GTF2A1: variants seen among roughly 807,000 people sequenced by gnomAD.
GTF2A1 encodes the protein general transcription factor IIA subunit 1.
Under a neutral mutation model 54.1 loss-of-function variants are expected in GTF2A1, and 12 were observed. That is an observed-to-expected ratio of 0.22 (90% CI 0.14 to 0.36). The LOEUF (loss-of-function observed/expected upper bound fraction) is 0.36, where lower values mean the gene tolerates loss of function less well. Ranked by LOEUF, GTF2A1 falls within the 10% of genes least tolerant of loss-of-function variation. The probability of loss-of-function intolerance (pLI) is 1.00; values close to 1 mark genes in which losing one functional copy is unlikely to be tolerated. For synonymous variants in GTF2A1, 145 were observed against 152.0 expected (o/e 0.95, Z 0.34); for missense variants, 335 against 442.2 (o/e 0.76, Z 2.17).
intron 7 of GTF2A1, 97 bp downstream of exon 7, chr14:81,192,422 G>A: frequency 1.1e-6 from 1 of 895,040 alleles, no homozygotes; most frequent in Non-Finnish European, 1.7e-6. Context: ...GCACCTAACA[G>A]TCTCTGAAAA....
intron 7 of GTF2A1, among the ~76,000 whole-genome samples, chr14:81,186,570 G>A (rs1172505864): frequency 6.6e-6 from 1 of 152,104 alleles, no homozygotes; most frequent in Non-Finnish European, 1.5e-5. Flanking sequence ...CGCTTCAATT[G>A]TGACAGAAGA....
intron 2 of GTF2A1, among the ~76,000 whole-genome samples, chr14:81,215,134 T>C (rs1176661980): frequency 6.6e-6 from 1 of 152,240 alleles, no homozygotes; most frequent in Non-Finnish European, 1.5e-5. Flanking sequence ...CAGTGAATTA[T>C]ATGGATCTTT....
intron 1 of GTF2A1, among the ~76,000 whole-genome samples, chr14:81,219,178 G>C (rs1312821268): frequency 1.3e-5 from 2 of 152,118 alleles, no homozygotes; most frequent in Non-Finnish European, 2.9e-5. Flanking sequence ...ATTCCCCCTA[G>C]CAAACAAAGA....
intron 4 of GTF2A1, among the ~76,000 whole-genome samples, chr14:81,198,099 T>C (rs1420416513): frequency 6.6e-6 from 1 of 152,190 alleles, no homozygotes; most frequent in Non-Finnish European, 1.5e-5. Flanking sequence ...GGCATTATAT[T>C]CTAGGTGAAA....
intron 1 of GTF2A1, among the ~76,000 whole-genome samples, chr14:81,217,192 G>A (rs942750129): frequency 6.6e-6 from 1 of 152,302 alleles, no homozygotes; most frequent in East Asian, 1.9e-4. Flanking sequence ...AATTAGCACC[G>A]TTGATACTAC....
chr14:81,192,427 T>G, intron 7 of GTF2A1, 92 bp downstream of exon 7: 1 of 970,788 alleles, frequency 1.0e-6, no homozygotes, highest in Non-Finnish European at 1.6e-6. Context: ...TAACAGTCTC[T>G]GAAAAAAACA....
intron 4 of GTF2A1, among the ~76,000 whole-genome samples, chr14:81,198,393 G>A (rs1213571571): frequency 6.6e-6 from 1 of 152,246 alleles, no homozygotes; most frequent in East Asian, 1.9e-4. Context: ...GCAGTGAGCC[G>A]AGATTGTGCC....
Position 81,207,235 on chromosome 14 carries a change from T to A in GTF2A1, c.133-3131A>T, listed in dbSNP as rs147951833. ...TTCCCAACAAAATCTCAACTTGAGT[T>A]GTATCTCCCAGAATTCCCATGTGCT... On this transcript the variant is annotated intron_variant, in intron 2 of 8. Transcript: ENST00000553612. 1.7e-3 allele frequency among the ~76,000 whole-genome samples: 254 copies of A among 152,218 alleles called. 2 individuals carry two copies. Among genetic ancestry groups the A allele is most frequent in the African/African-American group, 5.9e-3 (246 of 41,526 alleles).
rs369710748 is a variant in GTF2A1 at position 81,180,379 on chromosome 14, G to A, written c.1024-49C>T. 8.1e-5 allele frequency: 66 copies of A among 816,510 alleles called. No individual in the cohort carries two copies. In the Middle Eastern group the frequency reaches 9.0e-4, roughly 11 times the overall value. 50.6% of individuals were successfully genotyped at this position (816,510 alleles called of 1,614,324 possible). A position where few individuals can be genotyped will look rare whatever the true frequency, so the allele number is the denominator to read the frequency against. On this transcript the variant is annotated intron_variant, in intron 8 of 8. Transcript: ENST00000553612. ...AATTGAGAGATACAATCAGAAAACA[G>A]AGAAAACAAGTAACAAAAAACCCAT...
intron 6 of GTF2A1, among the ~76,000 whole-genome samples, chr14:81,194,140 A>G (rs1471072157): frequency 1.3e-5 from 2 of 152,224 alleles, no homozygotes; most frequent in African/African-American, 4.8e-5. Context: ...TGGATGAGCC[A>G]GCATCACCAC....
At chr14:81,183,421 A>G (rs946260205) in intron 8 of GTF2A1, among the ~76,000 whole-genome samples, 2 of 152,250 alleles carry the variant, frequency 1.3e-5, no homozygotes, top group Admixed American at 1.3e-4. Context: ...AACTGCCTGC[A>G]TTCTGTCATA....
At chr14:81,190,147 T>C (rs1336386260) in intron 7 of GTF2A1, among the ~76,000 whole-genome samples, 3 of 151,802 alleles carry the variant, frequency 2.0e-5, no homozygotes, top group Non-Finnish European at 4.4e-5. Flanking sequence ...TAGAAAAATA[T>C]AACTTATCAA....
chr14:81,206,373 T>C (rs878876541), intron 2 of GTF2A1, among the ~76,000 whole-genome samples: 3 of 152,344 alleles, frequency 2.0e-5, no homozygotes, highest in Admixed American at 1.3e-4. Context: ...AGTAATGTAG[T>C]GACTCAACTC....
intron 4 of GTF2A1, among the ~76,000 whole-genome samples, chr14:81,199,464 CGTTTT>C (rs1374876212): frequency 6.6e-6 from 1 of 152,138 alleles, no homozygotes; most frequent in Non-Finnish European, 1.5e-5. Flanking sequence ...TATTATCTCA[CGTTTT>C]TATGATTAGT....
rs370228716 is a variant in GTF2A1 at position 81,190,993 on chromosome 14, A to G, written c.933+1526T>C. Among the ~76,000 whole-genome samples, 15 of 152,328 alleles carry G rather than the reference A, an allele frequency of 9.8e-5. No individual in the cohort carries two copies. In the South Asian group the frequency reaches 2.9e-3, roughly 29 times the overall value. On this transcript the variant is annotated intron_variant, in intron 7 of 8. Coordinates refer to ENST00000553612, the MANE Select transcript of GTF2A1 (RefSeq NM_015859.4). ...AAGGTAATAAAAACATGTTACTTCA[A>G]GAAGCACTGAAACTATGAAGAATTT...
At chr14:81,207,656 T>C (rs550509588) in intron 2 of GTF2A1, among the ~76,000 whole-genome samples, 8 of 152,312 alleles carry the variant, frequency 5.3e-5, no homozygotes, top group Non-Finnish European at 7.3e-5. Flanking sequence ...TGGGAAAGTT[T>C]GGAACTTCCT....
At chr14:81,206,540 T>C (rs1255168378) in intron 2 of GTF2A1, among the ~76,000 whole-genome samples, 1 of 152,296 alleles carries the variant, frequency 6.6e-6, no homozygotes, top group East Asian at 1.9e-4. Context: ...TTCCAATCTA[T>C]CCTCTATAAA....
chr14:81,187,424 T>C (rs781467954), intron 7 of GTF2A1, among the ~76,000 whole-genome samples: 4 of 152,070 alleles, frequency 2.6e-5, no homozygotes, highest in African/African-American at 4.8e-5. Context: ...CATTTGTACA[T>C]GTACAATTCA....
chr14:81,191,658 A>T (rs568097017), intron 7 of GTF2A1, among the ~76,000 whole-genome samples: 1 of 152,286 alleles, frequency 6.6e-6, no homozygotes, highest in South Asian at 2.1e-4. Flanking sequence ...TAATCAACAC[A>T]AATGTATGAG....
Sources: allele counts gnomAD v4.1 joint callset (sites outside exome capture counted in the v4.1 genomes callset), GRCh38; gene constraint gnomAD v4.1.1; transcripts MANE v1.5; gene names NCBI Gene and HGNC (gene_info 2026-07-23, HGNC 2026-07-21).